The following SCGB1D1 variants were observed in gnomAD, a reference collection of about 807,000 sequenced individuals.
SCGB1D1 encodes secretoglobin family 1D member 1.
Under a neutral mutation model 8.3 loss-of-function variants are expected in SCGB1D1, and 10 were observed. The observed-to-expected ratio is 1.21, with a 90% CI of 0.74 to 2.05. The LOEUF (loss-of-function observed/expected upper bound fraction) is 2.05. Ranked by LOEUF, SCGB1D1 falls within the 30% of genes most tolerant of loss-of-function variation. The pLI is 0.00. For missense variants in SCGB1D1, 94 were observed against 105.1 expected (o/e 0.89, Z 0.46); for synonymous variants, 46 against 41.7 (o/e 1.10, Z -0.39).
At chr11:62,193,289 C>T (rs372810429) in intron 2 of SCGB1D1, 110 bp from the exon 3 acceptor site, 6 of 824,108 alleles carry the variant, frequency 7.3e-6, no homozygotes, top group African/African-American at 4.1e-5. Flanking sequence ...TGCCTCTACC[C>T]TTCAATTGTC....
intron 2 of SCGB1D1, among the ~76,000 whole-genome samples, chr11:62,192,544 G>A (rs934161643): frequency 2.0e-5 from 3 of 152,344 alleles, no homozygotes; most frequent in South Asian, 2.1e-4. Flanking sequence ...GGGTGGTGAA[G>A]GGCCAAGCAC....
intron 1 of SCGB1D1, 104 bp downstream of exon 1, chr11:62,190,443 A>C: frequency 7.1e-7 from 1 of 1,401,346 alleles, no homozygotes; most frequent in Non-Finnish European, 1.0e-6. Context: ...AACAAACCAA[A>C]ATTCCAAACC....
At position 62,190,959 on chromosome 11, in the gene SCGB1D1, A is replaced by G. The variant is rs558628905; in HGVS notation, c.55+620A>G. On this transcript the variant is annotated intron_variant, in intron 1 of 2. Transcript: ENST00000306238. ...GATTCTCTCAATAAGAAGCCTGCAA[A>G]TGAATTCTTAGAATAAGCAGCACTC... Among the ~76,000 whole-genome samples, 3 of 152,326 alleles carry G rather than the reference A, an allele frequency of 2.0e-5. No homozygotes were observed. In the South Asian group the frequency reaches 6.2e-4, roughly 32 times the overall value.
At position 62,190,226 on chromosome 11, in the gene SCGB1D1, G is replaced by A; in HGVS notation, c.-59G>A. On this transcript the variant is annotated 5_prime_UTR_variant, in exon 1 of 3. Coordinates refer to ENST00000306238, the MANE Select transcript of SCGB1D1 (RefSeq NM_006552.2). ...GCTCCACGGCTCCACAGGCTCCCGG[G>A]GCTGAGTCTAAATCACTCATCATTG... is the stretch of plus-strand genomic sequence containing the variant. The A allele has an allele frequency of 1.2e-6, 2 of 1,608,936 alleles. No homozygotes were observed. Among genetic ancestry groups the A allele is most frequent in the East Asian group, 2.2e-5 (1 of 44,794 alleles).
intron 1 of SCGB1D1, 39 bp downstream of exon 1, chr11:62,190,378 G>A: frequency 6.2e-7 from 1 of 1,613,514 alleles, no homozygotes; most frequent in Non-Finnish European, 8.5e-7. Context: ...CAGCCCTTGG[G>A]ACACACCCTT....
chr11:62,190,445 T>C lies in SCGB1D1; in HGVS notation c.55+106T>C. 6 of 1,367,226 alleles carry C rather than the reference T, an allele frequency of 4.4e-6. 1 individual carries two copies. The South Asian group carries it at 4.8e-5, about 11-fold the overall frequency. The allele number at this position is 1,367,226 out of a possible 1,614,324, so 84.7% of individuals were successfully genotyped here. A position where few individuals can be genotyped will look rare whatever the true frequency, so the allele number is the denominator to read the frequency against. On this transcript the variant is annotated intron_variant, in intron 1 of 2. Coordinates refer to ENST00000306238, the MANE Select transcript of SCGB1D1 (RefSeq NM_006552.2). ...GGTTGGGGTCTGGAACAAACCAAAATTCCAAACCTTATCCTGTGCTTGTTG... is the reference window on the plus strand; with the variant it reads ...GGTTGGGGTCTGGAACAAACCAAAACTCCAAACCTTATCCTGTGCTTGTTG...
chr11:62,191,242 G>GGGT (rs1466950701), intron 1 of SCGB1D1, among the ~76,000 whole-genome samples: 2 of 152,060 alleles, frequency 1.3e-5, no homozygotes, highest in Non-Finnish European at 1.5e-5. Context: ...GGGTAGTCAG[G>GGGT]GGTCATGTTG....
intron 2 of SCGB1D1, 130 bp from the exon 3 acceptor site, chr11:62,193,269 A>T: frequency 2.6e-6 from 2 of 763,834 alleles, no homozygotes; most frequent in South Asian, 1.8e-5. Context: ...TCCCACACAC[A>T]CTGGGTTCCT....
rs373118276 is a variant in SCGB1D1, at chr11:62,190,264, C to A, written c.-21C>A. The A allele has an allele frequency of 2.1e-5, 34 of 1,613,998 alleles. No homozygotes were observed. In the African/African-American group the frequency reaches 4.1e-4, roughly 20 times the overall value. On this transcript the variant is annotated 5_prime_UTR_variant, in exon 1 of 3. Coordinates refer to ENST00000306238, the MANE Select transcript of SCGB1D1 (RefSeq NM_006552.2). ...TCACTCATCATTGGTTAAAGCCGAGCTCACAGCAGAATAAGCCACCATGAG... is the reference window on the plus strand; with the variant it reads ...TCACTCATCATTGGTTAAAGCCGAGATCACAGCAGAATAAGCCACCATGAG...
chr11:62,193,127 G>A (rs1944692073), intron 2 of SCGB1D1, among the ~76,000 whole-genome samples: 1 of 152,130 alleles, frequency 6.6e-6, no homozygotes, highest in African/African-American at 2.4e-5. Flanking sequence ...CCAAGTCCTG[G>A]GACAGCCCAG....
chr11:62,192,228 A>G lies in SCGB1D1; in HGVS notation c.228A>G (p.Leu76=). 6.2e-7 allele frequency: 1 copy of G among 1,607,344 alleles called. No homozygotes were observed. Among genetic ancestry groups the G allele is most frequent in the African/African-American group, 1.3e-5 (1 of 74,648 alleles). Reference sequence around the variant, plus strand: ...CGATGGCCTATGAGAAAAGAGTGCTAATTACAAAAACATTGGTAATTTCTG... The same window carrying G: ...CGATGGCCTATGAGAAAAGAGTGCTGATTACAAAAACATTGGTAATTTCTG... ...VDTMAYEKRV[L]ITKTLGKIAE... is the part of the protein sequence containing the mutation. The change falls in exon 2 of 3, where the codon CTA becomes CTG. Residue 76 remains leucine, a synonymous_variant. Coordinates refer to ENST00000306238, the MANE Select transcript of SCGB1D1 (RefSeq NM_006552.2).
chr11:62,190,321 G>A lies in SCGB1D1; in HGVS notation c.37G>A (p.Ala13Thr), dbSNP rs772030024. 2.5e-5 allele frequency: 40 copies of A among 1,614,050 alleles called. No individual in the cohort carries two copies. Among genetic ancestry groups the A allele is most frequent in the Middle Eastern group, 1.6e-4 (1 of 6,084 alleles). ...LSVCLLLLTL[A>T]LCCYRANAVV... ...GGTGTGTCTCCTGCTGCTCACGCTGGCCCTTTGCTGCTACCGGGGTGAGTA... is the reference window on the plus strand; with the variant it reads ...GGTGTGTCTCCTGCTGCTCACGCTGACCCTTTGCTGCTACCGGGGTGAGTA... The change falls in exon 1 of 3, where the codon GCC becomes ACC. Residue 13 changes from alanine to threonine, a missense_variant. Ala to Thr is a moderately conservative substitution (Grantham distance 58). Coordinates refer to ENST00000306238, the MANE Select transcript of SCGB1D1 (RefSeq NM_006552.2).
intron 1 of SCGB1D1, among the ~76,000 whole-genome samples, chr11:62,190,950 A>G (rs1269601573): frequency 6.6e-6 from 1 of 152,218 alleles, no homozygotes; most frequent in African/African-American, 2.4e-5. Flanking sequence ...CTCAATAAGA[A>G]GCCTGCAAAT....
rs2232939 is a variant in SCGB1D1, at chr11:62,192,051, T to C, written c.56-5T>C. On this transcript the variant is annotated splice_region_variant and splice_polypyrimidine_tract_variant and intron_variant, in intron 1 of 2. Transcript: ENST00000306238. ...ACAAATTATATTTTTATTCTTTTGCTCCAGCAAATGCAGTGGTCTGCCAAG... is the reference window on the plus strand; with the variant it reads ...ACAAATTATATTTTTATTCTTTTGCCCCAGCAAATGCAGTGGTCTGCCAAG... The C allele has an allele frequency of 1.7e-3, 2,739 of 1,586,034 alleles. 53 individuals are homozygous for C. Among genetic ancestry groups the C allele is most frequent in the Non-Finnish European group, 1.2e-4 (144 of 1,162,538 alleles).
chr11:62,192,476 G>T (rs1944685846), intron 2 of SCGB1D1, among the ~76,000 whole-genome samples: 1 of 152,302 alleles, frequency 6.6e-6, no homozygotes, highest in South Asian at 2.1e-4. Context: ...TCACCTACCT[G>T]GATGCCGTGT....
rs758996886 is a variant in SCGB1D1, at chr11:62,192,155, C to T, written c.155C>T (p.Pro52Leu). 2.5e-6 allele frequency: 4 copies of T among 1,613,838 alleles called. No homozygotes were observed. The highest frequency in any genetic ancestry group is 3.4e-6 in the Non-Finnish European group (4 of 1,179,848). Residue 52 changes from proline to leucine, a missense_variant, in exon 2 of 3, where the codon CCT (proline) becomes CTT (leucine). Transcript: ENST00000306238. ...TTCCAACTTGCCAAATTTAAGGCAC[C>T]TCTGGAAGCTGTTGCAGCCAAGATG... ...FKFQLAKFKA[P>L]LEAVAAKMEV... is the part of the protein sequence containing the mutation.
chr11:62,193,304 G>T (rs1262931703), intron 2 of SCGB1D1, 95 bp from the exon 3 acceptor site: 24 of 1,154,276 alleles, frequency 2.1e-5, no homozygotes, highest in Non-Finnish European at 3.1e-5. Flanking sequence ...ATTGTCTTTG[G>T]GAGCAGAATT....
chr11:62,192,730 G>A (rs1944688504), intron 2 of SCGB1D1, among the ~76,000 whole-genome samples: 1 of 152,172 alleles, frequency 6.6e-6, no homozygotes, highest in Non-Finnish European at 1.5e-5. Flanking sequence ...AGCTTCTGCA[G>A]AACCAGGAAG....
intron 2 of SCGB1D1, among the ~76,000 whole-genome samples, chr11:62,193,185 T>G (rs1166696023): frequency 6.6e-6 from 1 of 152,192 alleles, no homozygotes; most frequent in African/African-American, 2.4e-5. Context: ...ATGAGGACCC[T>G]GGGCCTTATG....
Sources: allele counts gnomAD v4.1 joint callset (sites outside exome capture counted in the v4.1 genomes callset), GRCh38; gene constraint gnomAD v4.1.1; transcripts MANE v1.5; gene names NCBI Gene and HGNC (gene_info 2026-07-23, HGNC 2026-07-21).